SGMS1: variants seen among roughly 807,000 people sequenced by gnomAD.
SGMS1 encodes phosphatidylcholine:ceramide cholinephosphotransferase 1.
Under a neutral mutation model 46.2 loss-of-function variants are expected in SGMS1, and 13 were observed. The observed-to-expected ratio is 0.28, with a 90% CI of 0.18 to 0.45. SGMS1 has a LOEUF of 0.45. SGMS1 is among the 20% of genes least tolerant of loss of function. The pLI is 1.00. For missense variants in SGMS1, 324 were observed against 519.9 expected, an observed-to-expected ratio of 0.62 and a Z score of 3.66; for synonymous variants, 203 against 187.8, an observed-to-expected ratio of 1.08 and a Z score of -0.66.
chr10:50,372,695 A>AAAAAACAAAAAACAAAAAAC (rs112585628), intron 6 of SGMS1, among the ~76,000 whole-genome samples: 1 of 150,826 alleles, frequency 6.6e-6, no homozygotes, highest in Admixed American at 6.6e-5. Flanking sequence ...TCTGTCTCAA[A>AAAAAACAAAAAACAAAAAAC]AAAAAACAAA....
intron 3 of SGMS1, among the ~76,000 whole-genome samples, chr10:50,495,308 CTTAA>C (rs1362179900): frequency 2.7e-5 from 4 of 147,680 alleles, no homozygotes; most frequent in Non-Finnish European, 4.5e-5. Flanking sequence ...GTGGAAGAGG[CTTAA>C]TTAATGATTA....
chr10:50,598,042 C>A (rs1009870473), intron 1 of SGMS1, among the ~76,000 whole-genome samples: 6 of 151,122 alleles, frequency 4.0e-5, no homozygotes, highest in African/African-American at 1.2e-4. Context: ...AAAAAATTCA[C>A]AGAAGTTGCT....
intron 2 of SGMS1, among the ~76,000 whole-genome samples, chr10:50,579,489 C>T (rs538180258): frequency 2.6e-5 from 4 of 151,838 alleles, no homozygotes; most frequent in Admixed American, 1.3e-4. Context: ...ATGAAAAACC[C>T]GAGAGAAAAA....
chr10:50,605,910 C>T (rs150132672), intron 1 of SGMS1, among the ~76,000 whole-genome samples: 1 of 152,288 alleles, frequency 6.6e-6, no homozygotes, highest in Non-Finnish European at 1.5e-5. Context: ...AACCCCTTCA[C>T]CCTTCTGAGT....
chr10:50,343,357 T>C (rs1368684186), intron 7 of SGMS1, 135 bp downstream of exon 7: 5 of 949,902 alleles, frequency 5.3e-6, no homozygotes, highest in Non-Finnish European at 7.4e-6. Flanking sequence ...TCCAACAGGG[T>C]ATGTGTTTAA....
chr10:50,383,521 G>A (rs558465645), intron 6 of SGMS1, among the ~76,000 whole-genome samples: 47 of 152,210 alleles, frequency 3.1e-4, no homozygotes, highest in Admixed American at 2.9e-3. Context: ...GTTTGGAAAA[G>A]GTGGGCAGCA....
At position 50,604,808 on chromosome 10, in the gene SGMS1, A is replaced by G. The variant is rs74606751; in HGVS notation, c.-683-14561T>C. 4.2e-3 allele frequency among the ~76,000 whole-genome samples: 643 copies of G among 151,920 alleles called. 3 individuals are homozygous for G. Among genetic ancestry groups the G allele is most frequent in the African/African-American group, 0.015 (617 of 41,400 alleles). On this transcript the variant is annotated intron_variant, in intron 1 of 10. Transcript: ENST00000361781. ...AATCTACACATACACCCATCAGTAA[A>G]AAGACCAAGACAGACTCCAAAAAAA...
intron 2 of SGMS1, among the ~76,000 whole-genome samples, chr10:50,557,536 C>T (rs1212844239): frequency 6.6e-6 from 1 of 150,758 alleles, no homozygotes; most frequent in East Asian, 1.9e-4. Context: ...ACAAAAATAG[C>T]TCAATTACTA....
upstream of SGMS1, chr10:50,624,515 C>T (rs1163044085): frequency 2.0e-5 from 17 of 868,054 alleles, no homozygotes; most frequent in Non-Finnish European, 2.4e-5. Flanking sequence ...CCTCTGGCGA[C>T]GCCTGGGAGC....
At chr10:50,449,673 GC>G (rs1837076236) in intron 5 of SGMS1, among the ~76,000 whole-genome samples, 1 of 151,020 alleles carries the variant, frequency 6.6e-6, no homozygotes, top group South Asian at 2.1e-4. Flanking sequence ...GTACACACAT[GC>G]CCCAATTAGA....
chr10:50,401,618 C>T (rs181724979), intron 6 of SGMS1, among the ~76,000 whole-genome samples: 82 of 152,302 alleles, frequency 5.4e-4, no homozygotes, highest in Non-Finnish European at 9.9e-4. Flanking sequence ...AAACTTTACA[C>T]CAACCAACCA....
chr10:50,417,026 T>A (rs1849180445), intron 6 of SGMS1, among the ~76,000 whole-genome samples: 1 of 152,298 alleles, frequency 6.6e-6, no homozygotes, highest in South Asian at 2.1e-4. Flanking sequence ...CATAACTTCA[T>A]AATTCAGTTT....
rs963063221 is a variant in SGMS1, at chr10:50,552,190, C to T, written c.-588-32269G>A. On this transcript the variant is annotated intron_variant, in intron 2 of 10. Transcript: ENST00000361781. ...ACGCAAGGCATAACCCACATTATCCCTGAATCATTTAATTTTGTATATTTA... is the reference window on the plus strand; with the variant it reads ...ACGCAAGGCATAACCCACATTATCCTTGAATCATTTAATTTTGTATATTTA... Among the ~76,000 whole-genome samples the T allele has an allele frequency of 7.9e-5, 12 of 152,310 alleles. No individual in the cohort carries two copies. In the East Asian group the frequency reaches 2.3e-3, roughly 29 times the overall value.
At chr10:50,381,962 G>A (rs1848613380) in intron 6 of SGMS1, among the ~76,000 whole-genome samples, 1 of 152,174 alleles carries the variant, frequency 6.6e-6, no homozygotes, top group Admixed American at 6.5e-5. Flanking sequence ...GTGGCACTCT[G>A]GGTCTCTTTC....
intron 6 of SGMS1, among the ~76,000 whole-genome samples, chr10:50,423,625 C>G (rs543331807): frequency 6.8e-6 from 1 of 147,982 alleles, no homozygotes; most frequent in Non-Finnish European, 1.5e-5. Context: ...TCTTCTTAGA[C>G]AAGGTGGCAT....
At chr10:50,604,175 G>C (rs56808429) in intron 1 of SGMS1, among the ~76,000 whole-genome samples, 10,426 of 152,030 alleles carry the variant, frequency 0.069, 1,087 homozygotes, top group African/African-American at 0.23. Context: ...TAAGGAAACT[G>C]CTGAGTCAAA....
chr10:50,431,354 C>G lies in SGMS1; in HGVS notation c.-232+2122G>C, dbSNP rs560535976. 5.3e-5 allele frequency among the ~76,000 whole-genome samples: 8 copies of G among 152,254 alleles called. No individual in the cohort carries two copies. In the South Asian group the frequency reaches 1.7e-3, roughly 32 times the overall value. On this transcript the variant is annotated intron_variant, in intron 6 of 10. Coordinates refer to ENST00000361781, the MANE Select transcript of SGMS1 (RefSeq NM_147156.4). The stretch of plus-strand genomic sequence containing the variant: ...AATTATGTAAGTCTGATTCAAAGAA[C>G]TGACACAAGCAAATGTTTTGAAATA...
In SGMS1 at chr10:50,343,485, G is replaced by T; in HGVS notation, c.623+7C>A. ...TCATTGAATCTTAGAGCTTTTACTT[G>T]ACTTACTTGTATTTTAAGAGCAGCC... is the stretch of plus-strand genomic sequence containing the variant. On this transcript the variant is annotated splice_region_variant and intron_variant, in intron 7 of 10. Transcript: ENST00000361781. 1 of 1,581,776 alleles carries T rather than the reference G, an allele frequency of 6.3e-7. No homozygotes were observed. The highest frequency in any genetic ancestry group is 1.2e-5 in the South Asian group (1 of 86,870).
intron 1 of SGMS1, among the ~76,000 whole-genome samples, chr10:50,600,625 C>T (rs1838640889): frequency 6.6e-6 from 1 of 152,194 alleles, no homozygotes; most frequent in African/African-American, 2.4e-5. Flanking sequence ...TTGATGGAGA[C>T]AGAAAGGTGC....
Sources: gnomAD v4.1 joint callset for allele counts (sites outside exome capture counted in the v4.1 genomes callset) on GRCh38, gnomAD v4.1.1 for gene constraint, MANE v1.5 for transcripts, NCBI Gene and HGNC (gene_info 2026-07-23, HGNC 2026-07-21) for gene names.